The following ZNF536 variants were observed in gnomAD, a reference collection of about 807,000 sequenced individuals.
The protein encoded by ZNF536 is zinc finger protein 536.
Under a neutral mutation model 84.5 loss-of-function variants are expected in ZNF536, and 13 were observed. The observed-to-expected ratio is 0.15, with a 90% CI of 0.10 to 0.24. The LOEUF (loss-of-function observed/expected upper bound fraction) is 0.24, where lower values mean the gene tolerates loss of function less well. ZNF536 is among the 10% of genes least tolerant of loss of function. ZNF536 has a pLI of 1.00. For synonymous variants in ZNF536, 811 were observed against 742.5 expected (o/e 1.09, Z -1.50); for missense variants, 1,536 against 1,747.5 (o/e 0.88, Z 2.16).
At chr19:30,546,002 G>A (rs752901178) in intron 3 of ZNF536, among the ~76,000 whole-genome samples, 2 of 152,184 alleles carry the variant, frequency 1.3e-5, no homozygotes, top group African/African-American at 2.4e-5. Flanking sequence ...GCTCTCACTC[G>A]TAGGGCAGGA....
intron 1 of ZNF536, among the ~76,000 whole-genome samples, chr19:30,270,365 C>T (rs924420696): frequency 1.1e-4 from 17 of 152,220 alleles, no homozygotes; most frequent in African/African-American, 3.9e-4. Flanking sequence ...AGGTAAATAA[C>T]TGATTGACCT....
rs142009649 is a variant in ZNF536 at position 30,424,621 on chromosome 19, CA to C, written c.-2-18931del. Among the ~76,000 whole-genome samples, 20 of 148,976 alleles carry C rather than the reference CA, an allele frequency of 1.3e-4. No individual in the cohort carries two copies. The East Asian group carries it at 2.6e-3, about 19-fold the overall frequency. On this transcript the variant is annotated intron_variant, in intron 1 of 4. Coordinates refer to ENST00000355537, the MANE Select transcript of ZNF536 (RefSeq NM_014717.3). ...GGGGATGAGGAGGGGAGGATGGATG[CA>C]AAAAAAAATAATAGGGTGTGCAAGG...
chr19:30,307,704 T>C (rs1449497442), intron 2 of ZNF536, among the ~76,000 whole-genome samples: 4 of 152,230 alleles, frequency 2.6e-5, no homozygotes, highest in African/African-American at 9.7e-5. Flanking sequence ...CTTGATTATG[T>C]GTTTCAGTAT....
At chr19:30,438,259 A>G (rs1211891534) in intron 1 of ZNF536, among the ~76,000 whole-genome samples, 1 of 151,444 alleles carries the variant, frequency 6.6e-6, no homozygotes, top group Non-Finnish European at 1.5e-5. Flanking sequence ...CTCCCTCCCC[A>G]CTTTTGGAGT....
rs2045611120 is a variant in ZNF536, at chr19:30,547,787, A to G, written c.2324-156A>G. ...GGTACAAAATCATTAAAAAAGCTTA[A>G]GAGTACGAATTATTCTTCTATTAAA... On this transcript the variant is annotated intron_variant, in intron 3 of 4. Coordinates refer to ENST00000355537, the MANE Select transcript of ZNF536 (RefSeq NM_014717.3). Among the ~76,000 whole-genome samples the G allele has an allele frequency of 2.0e-5, 3 of 152,250 alleles. No homozygotes were observed. The South Asian group carries it at 6.2e-4, about 32-fold the overall frequency.
chr19:30,495,585 C>T (rs1202239582), intron 2 of ZNF536, among the ~76,000 whole-genome samples: 5 of 152,200 alleles, frequency 3.3e-5, no homozygotes, highest in Non-Finnish European at 7.3e-5. Flanking sequence ...CAAATACAAC[C>T]TCTTATACAC....
chr19:30,557,269 T>TAC lies in ZNF536; in HGVS notation c.*109_*110dup. ...CGTGTAAAGTCAAGAGAAGAATGTA[T>TAC]ACACATATGTGTGTTGAATAATTAC... On this transcript the variant is annotated 3_prime_UTR_variant, in exon 5 of 5. Transcript: ENST00000355537. The TAC allele has an allele frequency of 1.5e-6, 2 of 1,293,338 alleles. No individual in the cohort carries two copies. The highest frequency in any genetic ancestry group is 2.2e-6 in the Non-Finnish European group (2 of 892,722). The allele number at this position is 1,293,338 out of a possible 1,614,324, so 80.1% of individuals were successfully genotyped here. A position where few individuals can be genotyped will look rare whatever the true frequency, so the allele number is the denominator to read the frequency against.
At chr19:30,369,832 A>G (rs183321102), upstream of ZNF536, among the ~76,000 whole-genome samples, 29 of 152,294 alleles carry the variant, frequency 1.9e-4, no homozygotes, top group South Asian at 1.0e-3. Flanking sequence ...AAAAAAAAAC[A>G]GTAATAGGCT....
At chr19:30,463,353 C>T (rs1341435163) in intron 2 of ZNF536, among the ~76,000 whole-genome samples, 2 of 152,124 alleles carry the variant, frequency 1.3e-5, no homozygotes, top group Non-Finnish European at 2.9e-5. Context: ...GAAGATCTGG[C>T]TTTTGGGGTG....
chr19:30,659,747 G>T (rs974477398), intron 1 of ZNF536, among the ~76,000 whole-genome samples: 2 of 150,734 alleles, frequency 1.3e-5, no homozygotes, highest in Non-Finnish European at 2.9e-5. Flanking sequence ...TCTCCACCTG[G>T]CTCCACCAGA....
chr19:30,657,513 C>T (rs1448796001), intron 1 of ZNF536, among the ~76,000 whole-genome samples: 3 of 152,206 alleles, frequency 2.0e-5, no homozygotes, highest in African/African-American at 7.2e-5. Context: ...CTTGATCTTT[C>T]CTACTGACCC....
At chr19:30,711,786 G>A (rs2052462854) in exon 2 of ZNF536, 2 of 151,912 alleles carry the variant, frequency 1.3e-5, no homozygotes, top group African/African-American at 4.8e-5. Flanking sequence ...GGATGAAGAA[G>A]GAAGTTGCTA....
intron 1 of ZNF536, among the ~76,000 whole-genome samples, chr19:30,279,899 G>A (rs1485989721): frequency 1.3e-5 from 2 of 152,204 alleles, no homozygotes; most frequent in East Asian, 3.9e-4. Flanking sequence ...TTTTCTGGAA[G>A]GAAAGTAGTT....
intron 1 of ZNF536, among the ~76,000 whole-genome samples, chr19:30,249,746 C>T (rs2145049484): frequency 6.6e-6 from 1 of 152,290 alleles, no homozygotes; most frequent in African/African-American, 2.4e-5. Context: ...CCTCTCTTTG[C>T]CACTGTGCTG....
At chr19:30,424,976 G>T (rs957930223) in intron 1 of ZNF536, among the ~76,000 whole-genome samples, 1 of 152,130 alleles carries the variant, frequency 6.6e-6, no homozygotes, top group African/African-American at 2.4e-5. Context: ...AGGGGTGTGC[G>T]TGGAGCCTTC....
intron 2 of ZNF536, among the ~76,000 whole-genome samples, chr19:30,346,818 C>T (rs754175165): frequency 6.6e-6 from 1 of 152,136 alleles, no homozygotes; most frequent in South Asian, 2.1e-4. Flanking sequence ...GCATACATGT[C>T]TCTCTTTATA....
intron 1 of ZNF536, among the ~76,000 whole-genome samples, chr19:30,683,081 A>T (rs2051038635): frequency 1.3e-5 from 2 of 152,052 alleles, no homozygotes; most frequent in South Asian, 4.2e-4. Flanking sequence ...TCATTCAATT[A>T]TTCAGCTGTA....
At chr19:30,661,767 T>TA (rs761145827) in intron 1 of ZNF536, among the ~76,000 whole-genome samples, 4 of 152,198 alleles carry the variant, frequency 2.6e-5, no homozygotes, top group Non-Finnish European at 5.9e-5. Context: ...TGCAGAGGAA[T>TA]AATTAATGAC....
intron 1 of ZNF536, among the ~76,000 whole-genome samples, chr19:30,626,097 G>A (rs930312707): frequency 2.0e-5 from 3 of 152,230 alleles, no homozygotes; most frequent in African/African-American, 7.2e-5. Flanking sequence ...GCTTGATTCT[G>A]CTACCGGCTG....
Sources: allele counts gnomAD v4.1 joint callset (sites outside exome capture counted in the v4.1 genomes callset), GRCh38; gene constraint gnomAD v4.1.1; transcripts MANE v1.5; gene names NCBI Gene and HGNC (gene_info 2026-07-23, HGNC 2026-07-21).